The following SPAST variants were observed in gnomAD, a reference collection of about 807,000 sequenced individuals.
SPAST encodes spastin.
SPAST carries 30 observed loss-of-function variants against 76.6 expected under a neutral mutation model. That is an observed-to-expected ratio of 0.39 (90% CI 0.29 to 0.53). SPAST has a LOEUF of 0.53. SPAST is among the 20% of genes least tolerant of loss of function. SPAST has a pLI of 0.68. For synonymous variants in SPAST, 305 were observed against 281.0 expected, an observed-to-expected ratio of 1.09 and a Z score of -0.86; for missense variants, 717 against 770.5, an observed-to-expected ratio of 0.93 and a Z score of 0.82.
chr2:32,125,555 T>A (rs1679162866), intron 7 of SPAST, among the ~76,000 whole-genome samples: 1 of 152,030 alleles, frequency 6.6e-6, no homozygotes, highest in Non-Finnish European at 1.5e-5. Context: ...ATTAGCCATT[T>A]CATATGATTC....
At chr2:32,068,329 T>C (rs1242929809) in intron 1 of SPAST, among the ~76,000 whole-genome samples, 4 of 150,088 alleles carry the variant, frequency 2.7e-5, no homozygotes, top group Non-Finnish European at 4.4e-5. Context: ...ACAGCTCTTT[T>C]TTTTTTTTTT....
intron 4 of SPAST, among the ~76,000 whole-genome samples, chr2:32,106,508 T>G (rs918517860): frequency 2.0e-5 from 3 of 152,200 alleles, no homozygotes; most frequent in African/African-American, 7.2e-5. Flanking sequence ...CAGTTGGAAA[T>G]GCAGAAATCA....
At chr2:32,147,171 C>G (rs775071985) in intron 15 of SPAST, 47 bp from the exon 16 acceptor site, 1 of 1,414,808 alleles carries the variant, frequency 7.1e-7, no homozygotes, top group Non-Finnish European at 1.0e-6. Flanking sequence ...ACAATTTCAA[C>G]TGCAAAATGT....
chr2:32,154,499 A>C lies in SPAST; in HGVS notation c.*3A>C. 12 of 1,613,830 alleles carry C rather than the reference A, an allele frequency of 7.4e-6. No homozygotes were observed. The highest frequency in any genetic ancestry group is 9.3e-6 in the Non-Finnish European group (11 of 1,179,768). On this transcript the variant is annotated 3_prime_UTR_variant, in exon 17 of 17. Transcript: ENST00000315285. ...ACTTTGGAGATACCACTGTTTAAGG[A>C]AATACCTTTGTAAACCTGCAGAACA...
chr2:32,093,310 CAA>C (rs34291087), intron 3 of SPAST, among the ~76,000 whole-genome samples: 23 of 62,180 alleles, frequency 3.7e-4, no homozygotes, highest in East Asian at 3.2e-3. Context: ...GACTCCGTCT[CAA>C]AAAAAAAAAA....
intron 7 of SPAST, among the ~76,000 whole-genome samples, chr2:32,120,039 T>G (rs1678965239): frequency 6.6e-6 from 1 of 151,792 alleles, no homozygotes; most frequent in African/African-American, 2.4e-5. Context: ...TTTTTTTTTT[T>G]GATTGAGACA....
intron 4 of SPAST, among the ~76,000 whole-genome samples, chr2:32,102,657 T>A (rs1046271475): frequency 1.5e-4 from 23 of 152,346 alleles, no homozygotes; most frequent in African/African-American, 5.5e-4. Flanking sequence ...AATACCTAGT[T>A]TATTGAGAGT....
chr2:32,134,450 C>T (rs919883916), intron 9 of SPAST, among the ~76,000 whole-genome samples: 7 of 147,306 alleles, frequency 4.8e-5, no homozygotes, highest in African/African-American at 9.9e-5. Flanking sequence ...TGCAGTGAGC[C>T]GAGACTCCAT....
intron 1 of SPAST, among the ~76,000 whole-genome samples, chr2:32,073,079 G>A (rs1676816487): frequency 8.1e-6 from 1 of 122,758 alleles, no homozygotes; most frequent in Admixed American, 8.2e-5. Flanking sequence ...GTTTTTAGCT[G>A]GTTTGTTGTT....
At position 32,087,586 on chromosome 2, in the gene SPAST, TG is replaced by T; in HGVS notation, c.502+9del. ...TTATAGTTACAGGACAAGGTAAGAT[TG>T]TATTTGTTTATAGCCATCCCAAATT... is the stretch of plus-strand genomic sequence containing the variant. On this transcript the variant is annotated intron_variant, in intron 2 of 16. Coordinates refer to ENST00000315285, the MANE Select transcript of SPAST (RefSeq NM_014946.4). The T allele has an allele frequency of 1.3e-6, 2 of 1,506,832 alleles. No homozygotes were observed. Among genetic ancestry groups the T allele is most frequent in the Admixed American group, 3.4e-5 (2 of 59,008 alleles). The allele number at this position is 1,506,832 out of a possible 1,614,324, so 93.3% of individuals were successfully genotyped here. A position where few individuals can be genotyped will look rare whatever the true frequency, so the allele number is the denominator to read the frequency against.
chr2:32,086,625 G>T lies in SPAST; in HGVS notation c.416-867G>T, dbSNP rs367686816. On this transcript the variant is annotated intron_variant, in intron 1 of 16. Coordinates refer to ENST00000315285, the MANE Select transcript of SPAST (RefSeq NM_014946.4). ...TTACAAAGATTAGCTGGGTGTGATG[G>T]TGCACACCTGTAACCCCAGCTACTC... is the stretch of plus-strand genomic sequence containing the variant. 2.6e-5 allele frequency among the ~76,000 whole-genome samples: 4 copies of T among 151,880 alleles called. No individual in the cohort carries two copies. In the East Asian group the frequency reaches 5.8e-4, roughly 22 times the overall value.
intron 16 of SPAST, among the ~76,000 whole-genome samples, chr2:32,149,363 G>T (rs544394885): frequency 1.2e-4 from 18 of 151,196 alleles, no homozygotes; most frequent in African/African-American, 4.4e-4. Flanking sequence ...CTCCCTAAGT[G>T]CAAGGATTAC....
At chr2:32,094,040 A>G (rs1403284002) in intron 3 of SPAST, among the ~76,000 whole-genome samples, 2 of 152,096 alleles carry the variant, frequency 1.3e-5, no homozygotes, top group African/African-American at 4.8e-5. Context: ...TCCATTTTCC[A>G]TCCTAATTAG....
At chr2:32,110,602 C>G (rs1459847259) in intron 4 of SPAST, among the ~76,000 whole-genome samples, 2 of 124,408 alleles carry the variant, frequency 1.6e-5, no homozygotes, top group African/African-American at 6.0e-5. Flanking sequence ...CGTATATACA[C>G]TATATACTAT....
intron 1 of SPAST, among the ~76,000 whole-genome samples, chr2:32,077,508 A>G (rs1677013046): frequency 1.3e-5 from 2 of 152,180 alleles, no homozygotes; most frequent in South Asian, 2.1e-4. Flanking sequence ...TTTTGCCACA[A>G]GTCAGAGTTA....
intron 4 of SPAST, among the ~76,000 whole-genome samples, chr2:32,105,834 A>C (rs1678299547): frequency 6.6e-6 from 1 of 152,132 alleles, no homozygotes; most frequent in African/African-American, 2.4e-5. Flanking sequence ...TTCGTCTGAC[A>C]GGGGTACCCA....
chr2:32,141,781 G>GA, intron 12 of SPAST, 123 bp from the exon 13 acceptor site: 1 of 719,484 alleles, frequency 1.4e-6, no homozygotes, highest in Non-Finnish European at 2.3e-6. Context: ...TTTTTACATT[G>GA]ATAACTACCA....
rs1680264644 is a variant in SPAST, at chr2:32,156,665, A to G, written c.*2169A>G. The G allele has an allele frequency of 6.9e-6, 1 of 145,234 alleles. No individual in the cohort carries two copies. Among genetic ancestry groups the G allele is most frequent in the South Asian group, 2.2e-4 (1 of 4,518 alleles). The allele number at this position is 145,234 out of a possible 1,614,324, so 9.0% of individuals were successfully genotyped here. A position where few individuals can be genotyped will look rare whatever the true frequency, so the allele number is the denominator to read the frequency against. On this transcript the variant is annotated 3_prime_UTR_variant, in exon 17 of 17. Coordinates refer to ENST00000315285, the MANE Select transcript of SPAST (RefSeq NM_014946.4). ...TTCATTGTTTTCATTTAAAAGATTA[A>G]CGTTATTGATACTTGGATAACTGGC...
chr2:32,096,775 T>C (rs1315771306), intron 3 of SPAST, among the ~76,000 whole-genome samples: 1 of 152,164 alleles, frequency 6.6e-6, no homozygotes, highest in African/African-American at 2.4e-5. Context: ...TACAAATCAG[T>C]GTATTTTTTG....
Sources: gnomAD v4.1 joint callset for allele counts (sites outside exome capture counted in the v4.1 genomes callset) on GRCh38, gnomAD v4.1.1 for gene constraint, MANE v1.5 for transcripts, NCBI Gene and HGNC (gene_info 2026-07-23, HGNC 2026-07-21) for gene names.